The following NFATC3 variants were observed in gnomAD, a reference collection of about 807,000 sequenced individuals.
NFATC3 encodes nuclear factor of activated T cells 3, also known as nuclear factor of activated T-cells, cytoplasmic 3.
A neutral mutation model predicts 98.6 loss-of-function variants in NFATC3; 46 were observed. The observed-to-expected ratio is 0.47, with a 90% CI of 0.37 to 0.60. NFATC3 has a LOEUF of 0.60. NFATC3 is among the 20% of genes least tolerant of loss of function. The pLI is 0.00. For missense variants in NFATC3, 1,256 were observed against 1,295.5 expected (o/e 0.97, Z 0.47); for synonymous variants, 512 against 472.2 (o/e 1.08, Z -1.09).
intron 2 of NFATC3, among the ~76,000 whole-genome samples, chr16:68,124,374 A>G (rs992913991): frequency 6.6e-6 from 1 of 151,532 alleles, no homozygotes; most frequent in Non-Finnish European, 1.5e-5. Flanking sequence ...CAGTTTGCAA[A>G]GTGCCAGGAT....
intron 4 of NFATC3, among the ~76,000 whole-genome samples, chr16:68,160,729 GGCT>G (rs2038852714): frequency 2.0e-5 from 3 of 151,812 alleles, no homozygotes; most frequent in East Asian, 3.9e-4. Context: ...TTGTTGCCCA[GGCT>G]GGAGTGCAGT....
At chr16:68,185,787 C>T (rs1043838357) in intron 8 of NFATC3, among the ~76,000 whole-genome samples, 14 of 144,196 alleles carry the variant, frequency 9.7e-5, no homozygotes, top group Non-Finnish European at 1.6e-4. Flanking sequence ...GGCATGAACC[C>T]GGGAGGTGGA....
intron 3 of NFATC3, 60 bp from the exon 4 acceptor site, chr16:68,157,809 C>A: frequency 7.5e-7 from 1 of 1,326,800 alleles, no homozygotes; most frequent in Non-Finnish European, 1.1e-6. Flanking sequence ...CTATTGTTGG[C>A]ATATTGTAAA....
intron 3 of NFATC3, chr16:68,138,468 T>A: frequency 8.0e-7 from 1 of 1,248,614 alleles, no homozygotes; most frequent in Non-Finnish European, 1.0e-6. Context: ...CAAAAAAATT[T>A]TTTAAAAGTT....
intron 5 of NFATC3, 83 bp downstream of exon 5, chr16:68,167,098 T>C: frequency 7.1e-7 from 1 of 1,407,190 alleles, no homozygotes; most frequent in Non-Finnish European, 9.7e-7. Flanking sequence ...TGTATGCGTC[T>C]GAAGTGCAAA....
At chr16:68,184,109 T>C (rs1389301167) in intron 8 of NFATC3, among the ~76,000 whole-genome samples, 1 of 152,092 alleles carries the variant, frequency 6.6e-6, no homozygotes, top group Non-Finnish European at 1.5e-5. Context: ...TTATAAAGTG[T>C]CAAGAACCAG....
At chr16:68,092,113 C>A (rs1445261874) in intron 1 of NFATC3, among the ~76,000 whole-genome samples, 1 of 152,164 alleles carries the variant, frequency 6.6e-6, no homozygotes, top group Non-Finnish European at 1.5e-5. Flanking sequence ...AGTTTACCAA[C>A]AGCTGAAATT....
Position 68,226,508 on chromosome 16 carries a change from C to G in NFATC3, c.*37C>G. The G allele has an allele frequency of 6.9e-7, 1 of 1,456,648 alleles. No individual in the cohort carries two copies. Among genetic ancestry groups the G allele is most frequent in the African/African-American group, 1.5e-5 (1 of 67,530 alleles). 90.2% of individuals were successfully genotyped at this position (1,456,648 alleles called of 1,614,324 possible). ...GCAGCCTTGTGTCCACCACCAACTT[C>G]TCAGCATGTTTCTCTCCTTGGACCT... On this transcript the variant is annotated 3_prime_UTR_variant, in exon 10 of 10. Coordinates refer to ENST00000346183, the MANE Select transcript of NFATC3 (RefSeq NM_173165.3).
At chr16:68,149,523 T>A (rs1199197735) in intron 3 of NFATC3, among the ~76,000 whole-genome samples, 1 of 152,226 alleles carries the variant, frequency 6.6e-6, no homozygotes, top group South Asian at 2.1e-4. Flanking sequence ...AAGGCTGAGC[T>A]GCAAGTAACA....
At chr16:68,120,139 G>T (rs2036493262) in intron 1 of NFATC3, among the ~76,000 whole-genome samples, 1 of 151,568 alleles carries the variant, frequency 6.6e-6, no homozygotes, top group Non-Finnish European at 1.5e-5. Flanking sequence ...AAAATTGCTG[G>T]GAGTGGTGGC....
intron 9 of NFATC3, among the ~76,000 whole-genome samples, chr16:68,193,261 T>C (rs940555743): frequency 2.0e-5 from 3 of 152,000 alleles, no homozygotes; most frequent in Non-Finnish European, 4.4e-5. Context: ...TTCATGGATT[T>C]TGGTATGGGG....
intron 6 of NFATC3, among the ~76,000 whole-genome samples, chr16:68,179,508 C>A (rs1337735962): frequency 6.6e-6 from 1 of 152,186 alleles, no homozygotes; most frequent in Non-Finnish European, 1.5e-5. Context: ...ATGATAGTTA[C>A]AACCTGGAAA....
At chr16:68,192,332 T>C (rs143927186) in intron 9 of NFATC3, 2 of 134,478 alleles carry the variant, frequency 1.5e-5, no homozygotes, top group African/African-American at 5.6e-5. Context: ...TATATATATA[T>C]AGAGAGAGAG....
At chr16:68,194,958 C>G (rs972882452) in intron 9 of NFATC3, among the ~76,000 whole-genome samples, 1 of 152,002 alleles carries the variant, frequency 6.6e-6, no homozygotes, top group Non-Finnish European at 1.5e-5. Context: ...GTAGGGCATA[C>G]AAGCAAGAAA....
At chr16:68,101,037 G>A (rs1184347138) in intron 1 of NFATC3, among the ~76,000 whole-genome samples, 1 of 152,008 alleles carries the variant, frequency 6.6e-6, no homozygotes, top group Non-Finnish European at 1.5e-5. Flanking sequence ...ACATTTTGAT[G>A]AAGTTTGCCT....
chr16:68,182,192 T>A (rs562650429), intron 7 of NFATC3, among the ~76,000 whole-genome samples: 23 of 152,196 alleles, frequency 1.5e-4, no homozygotes, highest in African/African-American at 5.1e-4. Context: ...ACATATGTAG[T>A]GGGTAAAAGT....
chr16:68,147,486 T>C (rs1490109674), intron 3 of NFATC3, among the ~76,000 whole-genome samples: 1 of 152,174 alleles, frequency 6.6e-6, no homozygotes, highest in Non-Finnish European at 1.5e-5. Flanking sequence ...TCAACAATGA[T>C]TGAATGCCTG....
intron 5 of NFATC3, among the ~76,000 whole-genome samples, chr16:68,168,845 G>A (rs980657830): frequency 6.6e-6 from 1 of 152,134 alleles, no homozygotes; most frequent in Non-Finnish European, 1.5e-5. Flanking sequence ...TTTGCTGTTC[G>A]CTGAATTGGA....
intron 4 of NFATC3, among the ~76,000 whole-genome samples, chr16:68,162,101 A>G (rs1235009289): frequency 3.9e-5 from 6 of 152,188 alleles, no homozygotes; most frequent in African/African-American, 1.4e-4. Context: ...CTGCAACCCT[A>G]CCACACACAT....
Sources: gnomAD v4.1 joint callset for allele counts (sites outside exome capture counted in the v4.1 genomes callset) on GRCh38, gnomAD v4.1.1 for gene constraint, MANE v1.5 for transcripts, NCBI Gene and HGNC (gene_info 2026-07-23, HGNC 2026-07-21) for gene names.